The following SPAG16 variants were observed in gnomAD, a reference collection of about 807,000 sequenced individuals.
SPAG16 encodes the protein sperm associated antigen 16, also known as sperm-associated antigen 16 protein.
SPAG16 carries 86 observed loss-of-function variants against 80.4 expected under a neutral mutation model. The ratio of observed to expected loss-of-function variants is 1.07; its 90% CI spans 0.90 to 1.28. SPAG16 has a LOEUF of 1.28. Among genes scored for constraint, SPAG16 ranks in the 50% most tolerant of loss-of-function variants. The probability of loss-of-function intolerance (pLI) is 0.00; values close to 1 mark genes in which losing one functional copy is unlikely to be tolerated. For synonymous variants in SPAG16, 294 were observed against 265.9 expected (o/e 1.11, Z -1.03); for missense variants, 870 against 765.3 (o/e 1.14, Z -1.61).
intron 15 of SPAG16, among the ~76,000 whole-genome samples, chr2:214,375,262 A>C (rs79858733): frequency 0.013 from 2,010 of 152,308 alleles, 20 homozygotes; most frequent in Non-Finnish European, 0.022. Flanking sequence ...TGGGTTTCCA[A>C]GAAAAATATG....
At chr2:213,612,573 GT>G (rs1342337021) in intron 10 of SPAG16, among the ~76,000 whole-genome samples, 1 of 152,058 alleles carries the variant, frequency 6.6e-6, no homozygotes, top group Non-Finnish European at 1.5e-5. Context: ...AGTTAACTTG[GT>G]TCAAAAATCA....
At chr2:213,391,426 T>G (rs560391217) in intron 9 of SPAG16, among the ~76,000 whole-genome samples, 1 of 152,320 alleles carries the variant, frequency 6.6e-6, no homozygotes, top group South Asian at 2.1e-4. Context: ...AAATATTCTT[T>G]TAGAGTATGA....
intron 10 of SPAG16, among the ~76,000 whole-genome samples, chr2:213,600,304 G>T (rs553583772): frequency 6.6e-6 from 1 of 152,230 alleles, no homozygotes; most frequent in African/African-American, 2.4e-5. Flanking sequence ...CTTTCTTCCT[G>T]AGGAGAGGAT....
intron 15 of SPAG16, among the ~76,000 whole-genome samples, chr2:214,257,790 G>C (rs1396457043): frequency 6.6e-6 from 1 of 152,010 alleles, no homozygotes; most frequent in Non-Finnish European, 1.5e-5. Flanking sequence ...ATTTATATTT[G>C]TAAATGTTGT....
At chr2:213,683,330 C>G (rs1032156141) in intron 10 of SPAG16, among the ~76,000 whole-genome samples, 1 of 152,128 alleles carries the variant, frequency 6.6e-6, no homozygotes, top group African/African-American at 2.4e-5. Context: ...CCGGGCAGAT[C>G]ACTTGAGGTC....
intron 10 of SPAG16, among the ~76,000 whole-genome samples, chr2:213,596,369 CATTT>C (rs1170618420): frequency 6.6e-6 from 1 of 152,016 alleles, no homozygotes; most frequent in Non-Finnish European, 1.5e-5. Flanking sequence ...CTTGAAATAA[CATTT>C]ATTTAGGCCT....
intron 10 of SPAG16, among the ~76,000 whole-genome samples, chr2:213,854,531 A>G (rs1188310753): frequency 1.3e-5 from 2 of 152,222 alleles, no homozygotes; most frequent in Non-Finnish European, 2.9e-5. Flanking sequence ...AAATCTAGGC[A>G]GGCAGGCCCC....
chr2:213,574,181 A>G (rs530473742), intron 10 of SPAG16, among the ~76,000 whole-genome samples: 7 of 152,310 alleles, frequency 4.6e-5, no homozygotes, highest in South Asian at 2.1e-4. Flanking sequence ...TCACCATAGT[A>G]CTTTGTAGAA....
intron 14 of SPAG16, among the ~76,000 whole-genome samples, chr2:214,135,612 A>G (rs2055005632): frequency 6.6e-6 from 1 of 152,132 alleles, no homozygotes. Flanking sequence ...GAATAGATTA[A>G]TGCCTTCCCT....
At chr2:214,300,279 GAA>G (rs1694453107) in intron 15 of SPAG16, among the ~76,000 whole-genome samples, 1 of 151,936 alleles carries the variant, frequency 6.6e-6, no homozygotes, top group African/African-American at 2.4e-5. Flanking sequence ...TATCTCAAAA[GAA>G]AAAGATTTTC....
In SPAG16 at chr2:214,410,334, G is replaced by T. The variant is rs759098406; in HGVS notation, c.*19G>T. The T allele has an allele frequency of 2.5e-6, 4 of 1,576,176 alleles. No homozygotes were observed. In the Admixed American group the frequency reaches 6.8e-5, roughly 27 times the overall value. On this transcript the variant is annotated 3_prime_UTR_variant, in exon 16 of 16. Coordinates refer to ENST00000331683, the MANE Select transcript of SPAG16 (RefSeq NM_024532.5). ...GTCTTGACCGTCAGCACATCCCGCT[G>T]CAGAGGGCATTCCCTTTAAGGCTTG... is the stretch of plus-strand genomic sequence containing the variant.
intron 15 of SPAG16, among the ~76,000 whole-genome samples, chr2:214,165,636 C>G (rs181560505): frequency 6.6e-4 from 100 of 150,950 alleles, no homozygotes; most frequent in African/African-American, 2.3e-3. Context: ...CTGCCCCCCA[C>G]CCCCTTGAAA....
intron 15 of SPAG16, among the ~76,000 whole-genome samples, chr2:214,371,779 C>G (rs961683141): frequency 7.3e-5 from 11 of 150,092 alleles, no homozygotes; most frequent in African/African-American, 2.4e-4. Flanking sequence ...CTCCCGGGTT[C>G]AAGCCATTCT....
At chr2:213,523,387 G>A (rs2075762199) in intron 10 of SPAG16, among the ~76,000 whole-genome samples, 1 of 152,162 alleles carries the variant, frequency 6.6e-6, no homozygotes, top group African/African-American at 2.4e-5. Context: ...CCGGACTCAG[G>A]TATGTCTTCA....
intron 9 of SPAG16, among the ~76,000 whole-genome samples, chr2:213,458,531 C>T (rs568071774): frequency 1.6e-4 from 24 of 152,222 alleles, no homozygotes; most frequent in East Asian, 3.9e-4. Context: ...GAGATCGCGC[C>T]GCTGCACTCC....
intron 10 of SPAG16, among the ~76,000 whole-genome samples, chr2:213,659,013 C>G (rs2125173864): frequency 6.6e-6 from 1 of 151,972 alleles, no homozygotes; most frequent in Non-Finnish European, 1.5e-5. Context: ...TCAAGCCTGG[C>G]AACAGAGCGA....
At chr2:213,978,159 A>G (rs2045517386) in intron 12 of SPAG16, among the ~76,000 whole-genome samples, 1 of 151,946 alleles carries the variant, frequency 6.6e-6, no homozygotes, top group Admixed American at 6.6e-5. Flanking sequence ...GTCTTGGGAC[A>G]CTGGAAATCT....
At chr2:213,622,088 C>T (rs1410595206) in intron 10 of SPAG16, among the ~76,000 whole-genome samples, 1 of 152,162 alleles carries the variant, frequency 6.6e-6, no homozygotes, top group Non-Finnish European at 1.5e-5. Context: ...CAACAATACA[C>T]CTGAACAATT....
At chr2:213,794,214 A>C (rs10498016) in intron 10 of SPAG16, among the ~76,000 whole-genome samples, 1,997 of 152,284 alleles carry the variant, frequency 0.013, 18 homozygotes, top group Middle Eastern at 0.024. Flanking sequence ...AGACTCGCTG[A>C]ATTTGAAATA....
Sources: allele counts gnomAD v4.1 joint callset (sites outside exome capture counted in the v4.1 genomes callset), GRCh38; gene constraint gnomAD v4.1.1; transcripts MANE v1.5; gene names NCBI Gene and HGNC (gene_info 2026-07-23, HGNC 2026-07-21).